CNGB1: variants seen among roughly 807,000 people sequenced by gnomAD.
The protein encoded by CNGB1 is cyclic nucleotide-gated channel beta-1.
A neutral mutation model predicts 151.7 loss-of-function variants in CNGB1; 126 were observed. That is an observed-to-expected ratio of 0.83 (90% CI 0.72 to 0.96). The LOEUF is 0.96. CNGB1 is among the 40% of genes least tolerant of loss of function. CNGB1 has a pLI of 0.00. For synonymous variants in CNGB1, 623 were observed against 635.1 expected (o/e 0.98, Z 0.29); for missense variants, 1,698 against 1,627.0 (o/e 1.04, Z -0.75).
Position 57,942,478 on chromosome 16 carries a change from T to C in CNGB1, c.1122-2157A>G, listed in dbSNP as rs1961693488. The stretch of plus-strand genomic sequence containing the variant: ...AGAAATGAAACAACCCAATTTACAA[T>C]AGCTATAAAATAAAATAAAATGCTT... On this transcript the variant is annotated intron_variant, in intron 14 of 32. Transcript: ENST00000251102. Among the ~76,000 whole-genome samples, 5 of 152,084 alleles carry C rather than the reference T, an allele frequency of 3.3e-5. No individual in the cohort carries two copies. The South Asian group carries it at 1.0e-3, about 32-fold the overall frequency.
At chr16:57,895,633 A>G (rs1416303587) in intron 31 of CNGB1, among the ~76,000 whole-genome samples, 2 of 151,654 alleles carry the variant, frequency 1.3e-5, no homozygotes, top group Non-Finnish European at 2.9e-5. Context: ...GCAGAGGCCT[A>G]GTAGCACTCC....
chr16:57,926,332 C>T (rs1375152036), intron 17 of CNGB1, among the ~76,000 whole-genome samples: 1 of 152,152 alleles, frequency 6.6e-6, no homozygotes, highest in East Asian at 1.9e-4. Context: ...GTCACTGAGG[C>T]CATCACAGTG....
chr16:57,930,262 T>C (rs1414859519), intron 17 of CNGB1, among the ~76,000 whole-genome samples: 1 of 152,108 alleles, frequency 6.6e-6, no homozygotes, highest in Non-Finnish European at 1.5e-5. Context: ...TTTGGGAGGC[T>C]AAGGCAGGTG....
At chr16:57,917,653 C>A (rs1294794648) in intron 20 of CNGB1, among the ~76,000 whole-genome samples, 177 bp from the exon 21 acceptor site, 1 of 148,822 alleles carries the variant, frequency 6.7e-6, no homozygotes, top group Admixed American at 6.7e-5. Flanking sequence ...CACACACATA[C>A]ACACACACAC....
intron 31 of CNGB1, among the ~76,000 whole-genome samples, chr16:57,896,480 C>T (rs368663800): frequency 3.3e-4 from 50 of 151,990 alleles, no homozygotes; most frequent in African/African-American, 8.9e-4. Flanking sequence ...TTTGGGAGGC[C>T]GAGGGGGGTG....
At chr16:57,902,489 A>T (rs1169892814) in intron 27 of CNGB1, among the ~76,000 whole-genome samples, 2 of 152,122 alleles carry the variant, frequency 1.3e-5, no homozygotes, top group Non-Finnish European at 1.5e-5. Flanking sequence ...TTTTTCTTTT[A>T]GAGACAAGGT....
intron 12 of CNGB1, among the ~76,000 whole-genome samples, chr16:57,951,075 G>A (rs1168621942): frequency 5.3e-5 from 8 of 152,158 alleles, no homozygotes; most frequent in African/African-American, 1.7e-4. Flanking sequence ...TAGAGGCTCC[G>A]CCCTCCAGGG....
intron 16 of CNGB1, among the ~76,000 whole-genome samples, chr16:57,935,767 T>TTC (rs1961492690): frequency 6.6e-6 from 1 of 151,684 alleles, no homozygotes; most frequent in African/African-American, 2.4e-5. Context: ...TTTTTTTTTT[T>TTC]AAGCAATTCA....
At chr16:57,897,301 C>CAAAA (rs397944283) in intron 31 of CNGB1, 96 bp downstream of exon 31, 11 of 1,054,156 alleles carry the variant, frequency 1.0e-5, no homozygotes, top group South Asian at 3.0e-5. Flanking sequence ...GATGTCATCT[C>CAAAA]AAAAAAAAAA....
chr16:57,888,362 C>G (rs150196594), intron 31 of CNGB1, among the ~76,000 whole-genome samples: 5 of 152,234 alleles, frequency 3.3e-5, no homozygotes, highest in African/African-American at 9.6e-5. Context: ...CACACAGCTA[C>G]GAAATTCTTC....
At chr16:57,907,089 G>A (rs957020873) in intron 25 of CNGB1, among the ~76,000 whole-genome samples, 8 of 152,192 alleles carry the variant, frequency 5.3e-5, no homozygotes, top group Non-Finnish European at 8.8e-5. Context: ...CCTGCAGGAC[G>A]ACATTTGGGA....
chr16:57,895,674 C>A (rs1320886647), intron 31 of CNGB1, among the ~76,000 whole-genome samples: 3 of 151,892 alleles, frequency 2.0e-5, no homozygotes, highest in Middle Eastern at 3.4e-3. Flanking sequence ...GGACTCAGAT[C>A]GTGGTTTCTA....
At position 57,939,487 on chromosome 16, in the gene CNGB1, C is replaced by T. The variant is rs1355082940; in HGVS notation, c.1315G>A (p.Asp439Asn). ...AEEEAEKEPQDWAETKEEPEA... is the reference protein window; with the variant it reads ...AEEEAEKEPQNWAETKEEPEA... ...GGCTCCTCCTTGGTCTCCGCCCAGT[C>T]CTGGGGCTCCTTTTCAGCCTCCTCT... is the stretch of plus-strand genomic sequence containing the variant. The change falls in exon 16 of 33, where the codon GAC (aspartate) becomes AAC (asparagine). Residue 439 changes from aspartate to asparagine, a missense_variant. Physicochemically the swap from Asp to Asn is conservative, Grantham distance 23. Coordinates refer to ENST00000251102, the MANE Select transcript of CNGB1 (RefSeq NM_001297.5). 9.3e-6 allele frequency: 15 copies of T among 1,614,170 alleles called. No homozygotes were observed. Among genetic ancestry groups the T allele is most frequent in the East Asian group, 2.2e-5 (1 of 44,872 alleles).
chr16:57,922,874 T>C (rs1227840534), intron 18 of CNGB1, among the ~76,000 whole-genome samples: 3 of 151,916 alleles, frequency 2.0e-5, no homozygotes, highest in Non-Finnish European at 4.4e-5. Context: ...TTTTTTTTTT[T>C]TCTTTTTTCA....
chr16:57,903,127 G>T (rs1486210378), intron 27 of CNGB1, among the ~76,000 whole-genome samples: 1 of 151,266 alleles, frequency 6.6e-6, no homozygotes, highest in Non-Finnish European at 1.5e-5. Context: ...AGAGGAGAGA[G>T]AGAGGGAAGG....
Position 57,964,135 on chromosome 16 carries a change from C to G in CNGB1, c.285G>C (p.Met95Ile). The G allele has an allele frequency of 1.2e-6, 2 of 1,614,100 alleles. No individual in the cohort carries two copies. Among genetic ancestry groups the G allele is most frequent in the South Asian group, 2.2e-5 (2 of 91,062 alleles). The part of the protein sequence containing the change: ...LRAQGAEISE[M>I]NSPSRRVLTW... ...AGGGGAGGGTGGTGCAGTACCTATT[C>G]ATTTCAGAAATCTCAGCGCCCTGGG... Residue 95 changes from methionine (M) to isoleucine (I), a missense_variant, in exon 4 of 33, where the codon ATG becomes ATC. Coordinates refer to ENST00000251102, the MANE Select transcript of CNGB1 (RefSeq NM_001297.5).
chr16:57,970,068 C>T (rs1325200957), intron 1 of CNGB1, among the ~76,000 whole-genome samples: 1 of 152,240 alleles, frequency 6.6e-6, no homozygotes, highest in Non-Finnish European at 1.5e-5. Context: ...TGTTCCCACT[C>T]TGGCATCAGC....
At chr16:57,931,414 C>G (rs1283877665) in intron 17 of CNGB1, among the ~76,000 whole-genome samples, 1 of 152,166 alleles carries the variant, frequency 6.6e-6, no homozygotes, top group African/African-American at 2.4e-5. Context: ...CTCAGCCTCG[C>G]AAAGCGCTGG....
chr16:57,954,785 C>A (rs771764715), intron 12 of CNGB1: 57 of 989,462 alleles, frequency 5.8e-5, no homozygotes, highest in Non-Finnish European at 6.7e-5. Context: ...GGGAGAACCT[C>A]TTCTGGGAAA....
Sources: allele counts gnomAD v4.1 joint callset (sites outside exome capture counted in the v4.1 genomes callset), GRCh38; gene constraint gnomAD v4.1.1; transcripts MANE v1.5; gene names NCBI Gene and HGNC (gene_info 2026-07-23, HGNC 2026-07-21).